The following FAM171A2 variants were observed in gnomAD, a reference collection of about 807,000 sequenced individuals.
FAM171A2 encodes family with sequence similarity 171 member A2, also known as protein FAM171A2.
Under a neutral mutation model 34.2 loss-of-function variants are expected in FAM171A2, and 13 were observed. The observed-to-expected ratio is 0.38, with a 90% CI of 0.25 to 0.60. The LOEUF is 0.60. Among genes scored for constraint, FAM171A2 ranks in the 20% least tolerant of loss-of-function variants. The pLI, the probability that FAM171A2 is intolerant of heterozygous loss-of-function variation, is 0.62. For missense variants in FAM171A2, 950 were observed against 1,180.7 expected (o/e 0.80, Z 2.86); for synonymous variants, 475 against 561.2 (o/e 0.85, Z 2.17).
chr17:44,357,539 C>T (rs538414305), intron 3 of FAM171A2, among the ~76,000 whole-genome samples: 266 of 151,884 alleles, frequency 1.8e-3, no homozygotes, highest in African/African-American at 6.3e-3. Flanking sequence ...CCCAGCTACT[C>T]GGGAGGCTGA....
rs1236737688 is a variant in FAM171A2 at position 44,353,653 on chromosome 17, A to AGGGCCCCCGC, written c.*70_*79dup. 3.7e-6 allele frequency: 4 copies of AGGGCCCCCGC among 1,072,804 alleles called. No individual in the cohort carries two copies. The highest frequency in any genetic ancestry group is 4.7e-6 in the Non-Finnish European group (4 of 857,668). 66.5% of individuals were successfully genotyped at this position (1,072,804 alleles called of 1,614,324 possible). ...GGCCTGGGGCTGGGAGCTACGCGCGAGGGCCCCCGCGGGCCCCCGGGGCGC... is the reference window on the plus strand; with the variant it reads ...GGCCTGGGGCTGGGAGCTACGCGCGAGGGCCCCCGCGGGCCCCCGCGGGCCCCCGGGGCGC... On this transcript the variant is annotated 3_prime_UTR_variant, in exon 8 of 8. Transcript: ENST00000293443.
chr17:44,354,064 G>A lies in FAM171A2; in HGVS notation c.2150C>T (p.Pro717Leu). ...CGCCAGGCGCGGGGGCGCGGGCGGC[G>A]GCGGCGGCGCGGCAGGCGGGGCGCG... ...RERAPPAAPPPPPAPPRLALS... is the reference protein window; with the variant it reads ...RERAPPAAPPLPPAPPRLALS... Residue 717 changes from proline (P) to leucine (L), a missense_variant, in exon 8 of 8, where the codon CCG (proline) becomes CTG (leucine). Physicochemically the swap from Pro to Leu is moderately conservative, Grantham distance 98. This residue lies in a region of FAM171A2 where 191 missense variants were observed against 222.8 expected (regional missense o/e 0.86). Transcript: ENST00000293443. This position sits in a 1 kb window ranked among gnomAD's most constrained non-coding sequence, Gnocchi z 5.8. 2 of 1,114,442 alleles carry A rather than the reference G, an allele frequency of 1.8e-6. No individual in the cohort carries two copies. The highest frequency in any genetic ancestry group is 2.2e-6 in the Non-Finnish European group (2 of 913,868). 69.0% of individuals were successfully genotyped at this position (1,114,442 alleles called of 1,614,324 possible). A position where few individuals can be genotyped will look rare whatever the true frequency, so the allele number is the denominator to read the frequency against.
chr17:44,356,661 A>G, intron 3 of FAM171A2, 73 bp from the exon 4 acceptor site: 2 of 1,441,192 alleles, frequency 1.4e-6, no homozygotes, highest in Non-Finnish European at 1.8e-6. Flanking sequence ...GAAACCCATT[A>G]TCTAAGGAAA....
chr17:44,359,533 G>T, intron 3 of FAM171A2, 46 bp downstream of exon 3: 2 of 1,498,770 alleles, frequency 1.3e-6, no homozygotes, highest in Non-Finnish European at 9.1e-7. Flanking sequence ...CTACACCTAG[G>T]TCAGGGGAAG....
chr17:44,362,016 G>C (rs765168429), intron 1 of FAM171A2, among the ~76,000 whole-genome samples: 1 of 150,672 alleles, frequency 6.6e-6, no homozygotes, highest in Non-Finnish European at 1.5e-5. Context: ...TTGGGTTCAA[G>C]AGTCAGAGTT....
Position 44,355,041 on chromosome 17 carries a change from C to T in FAM171A2, c.1173G>A (p.Glu391=), listed in dbSNP as rs1168703580. The part of the protein sequence containing the change: ...PLEPAPSGDP[E]APPPGPLHSA... ...AGTGGAGGGGGCCTGGAGGCGGAGC[C>T]TCGGGGTCCCCCGACGGGGCGGGTT... Residue 391 remains glutamate, a synonymous_variant, in exon 8 of 8, where the codon GAG becomes GAA. Coordinates refer to ENST00000293443, the MANE Select transcript of FAM171A2 (RefSeq NM_198475.3). The surrounding 1 kb of genome is among the most constrained non-coding windows in gnomAD (Gnocchi z 4.1). The T allele has an allele frequency of 1.3e-6, 2 of 1,539,680 alleles. No individual in the cohort carries two copies. Among genetic ancestry groups the T allele is most frequent in the South Asian group, 2.4e-5 (2 of 82,398 alleles).
In FAM171A2 at chr17:44,354,777, C is replaced by CGGCGGCGGCGAG; in HGVS notation, c.1425_1436dup (p.Ser476_Pro479dup). The CGGCGGCGGCGAG allele has an allele frequency of 7.7e-7, 1 of 1,297,342 alleles. No homozygotes were observed. The highest frequency in any genetic ancestry group is 9.8e-7 in the Non-Finnish European group (1 of 1,022,506). 80.4% of individuals were successfully genotyped at this position (1,297,342 alleles called of 1,614,324 possible). On this transcript the variant is annotated inframe_insertion, in exon 8 of 8. Coordinates refer to ENST00000293443, the MANE Select transcript of FAM171A2 (RefSeq NM_198475.3). The surrounding 1 kb of genome is among the most constrained non-coding windows in gnomAD (Gnocchi z 5.8). ...TGTGGCCCAGGTAGTGGTCGAAGGG[C>CGGCGGCGGCGAG]GGCGGCGGCGAGGGCGGCTCGTGCA...
rs1297276300 is a variant in FAM171A2 at position 44,355,840 on chromosome 17, C to A, written c.897G>T (p.Gly299=). 1.9e-6 allele frequency: 3 copies of A among 1,551,640 alleles called. No individual in the cohort carries two copies. Among genetic ancestry groups the A allele is most frequent in the Non-Finnish European group, 2.6e-6 (3 of 1,147,000 alleles). The part of the protein sequence containing the change: ...WVAAMASPTA[G]LVTITSGIQD... Reference sequence around the variant, plus strand: ...GGATGCCCGACGTGATGGTGACCAGCCCTGTGCCAGGCGAGGGCTTAGCGT... The same window carrying A: ...GGATGCCCGACGTGATGGTGACCAGACCTGTGCCAGGCGAGGGCTTAGCGT... The change falls in exon 7 of 8, where the codon GGG becomes GGT. Residue 299 remains glycine (G), a splice_region_variant and synonymous_variant. Coordinates refer to ENST00000293443, the MANE Select transcript of FAM171A2 (RefSeq NM_198475.3). This position sits in a 1 kb window ranked among gnomAD's most constrained non-coding sequence, Gnocchi z 4.1.
Position 44,354,720 on chromosome 17 carries a change from G to T in FAM171A2, c.1494C>A (p.Phe498Leu), listed in dbSNP as rs1056355646. 8.2e-6 allele frequency: 11 copies of T among 1,333,474 alleles called. No homozygotes were observed. In the African/African-American group the frequency reaches 1.5e-4, roughly 19 times the overall value. The allele number at this position is 1,333,474 out of a possible 1,614,324, so 82.6% of individuals were successfully genotyped here. The change falls in exon 8 of 8, where the codon TTC becomes TTA. Residue 498 changes from phenylalanine (F) to leucine (L), a missense_variant. Around this residue, in one of 3 missense-constraint regions of FAM171A2, gnomAD observed 752 missense variants for 924.5 expected, o/e 0.81. Coordinates refer to ENST00000293443, the MANE Select transcript of FAM171A2 (RefSeq NM_198475.3). The surrounding 1 kb of genome is among the most constrained non-coding windows in gnomAD (Gnocchi z 5.8). ...KGAAEGKTPD[F>L]LLSQSVDQLA... Reference sequence around the variant, plus strand: ...GCTGGTCCACCGACTGCGACAGCAGGAAGTCGGGGGTCTTGCCCTCGGCCG... The same window carrying T: ...GCTGGTCCACCGACTGCGACAGCAGTAAGTCGGGGGTCTTGCCCTCGGCCG...
intron 3 of FAM171A2, among the ~76,000 whole-genome samples, chr17:44,358,224 C>G (rs1302857862): frequency 6.6e-6 from 1 of 152,180 alleles, no homozygotes. Flanking sequence ...GAGGGCGGCC[C>G]GGGCTCTGGA....
Position 44,353,769 on chromosome 17 carries a change from C to T in FAM171A2, c.2445G>A (p.Arg815=). 4 of 1,435,952 alleles carry T rather than the reference C, an allele frequency of 2.8e-6. No individual in the cohort carries two copies. Among genetic ancestry groups the T allele is most frequent in the Non-Finnish European group, 3.7e-6 (4 of 1,095,366 alleles). 89.0% of individuals were successfully genotyped at this position (1,435,952 alleles called of 1,614,324 possible). Residue 815 remains arginine, a synonymous_variant, in exon 8 of 8, where the codon CGG becomes CGA. Coordinates refer to ENST00000293443, the MANE Select transcript of FAM171A2 (RefSeq NM_198475.3). ...AGDKKSPWQR[R]EERPLMVFNV... Reference sequence around the variant, plus strand: ...TGAACACCATCAGCGGCCGCTCCTCCCGCCGCTGCCACGGGCTCTTCTTGT... The same window carrying T: ...TGAACACCATCAGCGGCCGCTCCTCTCGCCGCTGCCACGGGCTCTTCTTGT...
chr17:44,359,613 A>C lies in FAM171A2; in HGVS notation c.405T>G (p.Tyr135Ter). 6.4e-7 allele frequency: 1 copy of C among 1,551,204 alleles called. No homozygotes were observed. Among genetic ancestry groups the C allele is most frequent in the Non-Finnish European group, 8.7e-7 (1 of 1,146,918 alleles). Residue 135 changes from tyrosine (Y) to a stop codon, truncating the protein, a stop_gained, in exon 3 of 8, where the codon TAT becomes TAG. Transcript: ENST00000293443. LOFTEE classifies it high-confidence loss of function. ...CTAGGAGAATGTGCACCAGGTCCTC[A>C]TAGAGGATGAGCGTGGCCGGCCGCT... ...LPERPATLIL[Y>*]EDLVHILLGS... is the part of the protein sequence containing the mutation.
At chr17:44,360,303 T>G (rs2048443135) in intron 1 of FAM171A2, among the ~76,000 whole-genome samples, 171 bp from the exon 2 acceptor site, 1 of 152,232 alleles carries the variant, frequency 6.6e-6, no homozygotes, top group African/African-American at 2.4e-5. Flanking sequence ...AAACCTCCTA[T>G]CAGCCCATGC....
chr17:44,360,615 G>A (rs2048444254), intron 1 of FAM171A2, among the ~76,000 whole-genome samples: 1 of 152,280 alleles, frequency 6.6e-6, no homozygotes, highest in South Asian at 2.1e-4. Flanking sequence ...GCCTCTAGAA[G>A]CGACATTCTT....
chr17:44,363,738 C>A lies in FAM171A2; in HGVS notation c.-24G>T. 9.0e-7 allele frequency: 1 copy of A among 1,112,836 alleles called. No homozygotes were observed. The highest frequency in any genetic ancestry group is 1.1e-6 in the Non-Finnish European group (1 of 888,026). 68.9% of individuals were successfully genotyped at this position (1,112,836 alleles called of 1,614,324 possible). On this transcript the variant is annotated 5_prime_UTR_variant, in exon 1 of 8. Transcript: ENST00000293443. The stretch of plus-strand genomic sequence containing the variant: ...ATCGCGGGGCTAGGCCGGGCCCTAG[C>A]GGTCCATGGCTCCCGCCTGGTCCCG...
chr17:44,359,998 G>A lies in FAM171A2; in HGVS notation c.253C>T (p.Leu85Phe). Reference protein sequence around the residue: ...TDSEGVATLPLSYRLGTWVLV... With the variant: ...TDSEGVATLPFSYRLGTWVLV... Reference sequence around the variant, plus strand: ...ACCCAGGTGCCCAAGCGATAACTGAGGGGCAGGGTGGCCACACCCTCTGAG... The same window carrying A: ...ACCCAGGTGCCCAAGCGATAACTGAAGGGCAGGGTGGCCACACCCTCTGAG... The change falls in exon 2 of 8, where the codon CTC becomes TTC. Residue 85 changes from leucine (L) to phenylalanine (F), a missense_variant. By Grantham distance (22) the Leu-to-Phe change is conservative. Transcript: ENST00000293443. The A allele has an allele frequency of 6.4e-7, 1 of 1,551,724 alleles. No individual in the cohort carries two copies.
In FAM171A2 at chr17:44,353,704, G is replaced by C; in HGVS notation, c.*29C>G. On this transcript the variant is annotated 3_prime_UTR_variant, in exon 8 of 8. Transcript: ENST00000293443. ...GCACCCTGGGTGCGGGCCCGCGCGG[G>C]AGGGGCGGTGCCAGGCCCTGCGCGG... is the stretch of plus-strand genomic sequence containing the variant. 1 of 1,292,728 alleles carries C rather than the reference G, an allele frequency of 7.7e-7. No homozygotes were observed. The highest frequency in any genetic ancestry group is 9.8e-7 in the Non-Finnish European group (1 of 1,022,088). 80.1% of individuals were successfully genotyped at this position (1,292,728 alleles called of 1,614,324 possible).
rs1338880249 is a variant in FAM171A2 at position 44,355,946 on chromosome 17, C to G, written c.895+12G>C. 6.5e-7 allele frequency: 1 copy of G among 1,540,020 alleles called. No homozygotes were observed. The highest frequency in any genetic ancestry group is 1.2e-5 in the South Asian group (1 of 82,370). ...TCCGCGGCCTCTACGCCCACTGCCCCACTACTCTTACCAGCCGTGGGGGAG... is the reference window on the plus strand; with the variant it reads ...TCCGCGGCCTCTACGCCCACTGCCCGACTACTCTTACCAGCCGTGGGGGAG... On this transcript the variant is annotated intron_variant, in intron 6 of 7. Transcript: ENST00000293443. The surrounding 1 kb of genome is among the most constrained non-coding windows in gnomAD (Gnocchi z 4.1).
In FAM171A2 at chr17:44,354,819, C is replaced by A; in HGVS notation, c.1395G>T (p.Ser465=). The A allele has an allele frequency of 7.8e-7, 1 of 1,282,010 alleles. No homozygotes were observed. Among genetic ancestry groups the A allele is most frequent in the South Asian group, 2.4e-5 (1 of 41,652 alleles). 79.4% of individuals were successfully genotyped at this position (1,282,010 alleles called of 1,614,324 possible). The change falls in exon 8 of 8, where the codon TCG becomes TCT. Residue 465 remains serine (S), a synonymous_variant. Coordinates refer to ENST00000293443, the MANE Select transcript of FAM171A2 (RefSeq NM_198475.3). The surrounding 1 kb of genome is among the most constrained non-coding windows in gnomAD (Gnocchi z 5.8). ...GCTCGTGCAGGAAGGCCGCAGCCCC[C>A]GAGGGCCCCCGCCGGTGCTCCTCTA... The part of the protein sequence containing the change: ...PGLEEHRRGP[S]GAAAFLHEPP...
Sources: allele counts gnomAD v4.1 joint callset (sites outside exome capture counted in the v4.1 genomes callset), GRCh38; gene constraint gnomAD v4.1.1; regional missense constraint gnomAD v4.1.1; non-coding constraint Gnocchi (gnomAD v3.1); transcripts MANE v1.5; gene names NCBI Gene and HGNC (gene_info 2026-07-23, HGNC 2026-07-21).